MARCHF1: variants seen among roughly 807,000 people sequenced by gnomAD.
MARCHF1 encodes the protein membrane associated ring-CH-type finger 1.
Under a neutral mutation model 54.2 loss-of-function variants are expected in MARCHF1, and 40 were observed. That is an observed-to-expected ratio of 0.74 (90% CI 0.57 to 0.96). The LOEUF (loss-of-function observed/expected upper bound fraction) is 0.96, where lower values mean the gene tolerates loss of function less well. MARCHF1 is among the 40% of genes least tolerant of loss of function. The pLI, the probability that MARCHF1 is intolerant of heterozygous loss-of-function variation, is 0.00. For missense variants in MARCHF1, 586 were observed against 656.5 expected, an observed-to-expected ratio of 0.89 and a Z score of 1.17; for synonymous variants, 236 against 236.3, an observed-to-expected ratio of 1.00 and a Z score of 0.01.
intron 1 of MARCHF1, among the ~76,000 whole-genome samples, chr4:164,142,243 G>T (rs1033534747): frequency 6.6e-6 from 1 of 152,208 alleles, no homozygotes; most frequent in Non-Finnish European, 1.5e-5. Context: ...CCAGGCTTGG[G>T]GAGGGGCACC....
intron 4 of MARCHF1, among the ~76,000 whole-genome samples, chr4:163,780,787 C>T (rs1186195455): frequency 6.6e-6 from 1 of 152,154 alleles, no homozygotes; most frequent in Admixed American, 6.5e-5. Context: ...GTGGGAAAAT[C>T]ATTCTATGTG....
chr4:163,587,998 C>T (rs1297864200), intron 7 of MARCHF1, among the ~76,000 whole-genome samples: 1 of 152,200 alleles, frequency 6.6e-6, no homozygotes, highest in Non-Finnish European at 1.5e-5. Context: ...CAGAAAGATA[C>T]AGGAACTGAA....
At chr4:163,846,045 G>T (rs1426800248) in intron 4 of MARCHF1, among the ~76,000 whole-genome samples, 1 of 152,094 alleles carries the variant, frequency 6.6e-6, no homozygotes, top group Non-Finnish European at 1.5e-5. Flanking sequence ...ATTTGTTTGT[G>T]ATGGTTATTC....
intron 1 of MARCHF1, among the ~76,000 whole-genome samples, chr4:164,130,600 TAAC>T (rs1395113403): frequency 1.3e-5 from 2 of 152,164 alleles, no homozygotes; most frequent in Non-Finnish European, 2.9e-5. Context: ...GCTTTGTCCT[TAAC>T]AAAGAGTTTT....
chr4:164,076,341 A>T (rs551584764), intron 2 of MARCHF1, among the ~76,000 whole-genome samples: 1 of 152,072 alleles, frequency 6.6e-6, no homozygotes, highest in Non-Finnish European at 1.5e-5. Flanking sequence ...AATTCAACAA[A>T]CCTTCATGCT....
chr4:164,126,684 C>T (rs778309747), intron 1 of MARCHF1, among the ~76,000 whole-genome samples: 24 of 152,108 alleles, frequency 1.6e-4, no homozygotes, highest in Non-Finnish European at 2.6e-4. Flanking sequence ...AGGCTTCGGT[C>T]TTCTGGAAAA....
intron 3 of MARCHF1, among the ~76,000 whole-genome samples, chr4:163,873,488 G>T (rs895227671): frequency 6.6e-6 from 1 of 152,176 alleles, no homozygotes; most frequent in African/African-American, 2.4e-5. Flanking sequence ...TTTTGACAGA[G>T]CTGGACTCTG....
intron 1 of MARCHF1, among the ~76,000 whole-genome samples, chr4:164,140,726 AC>A (rs1424023639): frequency 6.6e-6 from 1 of 150,766 alleles, no homozygotes; most frequent in Non-Finnish European, 1.5e-5. Context: ...CCTTGATGGA[AC>A]CCCCAGTGTT....
intron 3 of MARCHF1, among the ~76,000 whole-genome samples, chr4:163,923,544 A>C (rs1246871369): frequency 1.3e-5 from 2 of 152,136 alleles, no homozygotes; most frequent in African/African-American, 2.4e-5. Flanking sequence ...TATGATACTT[A>C]GGATAAGCAA....
intron 2 of MARCHF1, among the ~76,000 whole-genome samples, chr4:164,098,703 G>A (rs1005247602): frequency 6.6e-6 from 1 of 152,214 alleles, no homozygotes; most frequent in African/African-American, 2.4e-5. Flanking sequence ...TCACAGAAGA[G>A]AGATGTGCTC....
At chr4:163,672,411 C>T (rs1312108178) in intron 5 of MARCHF1, among the ~76,000 whole-genome samples, 1 of 152,060 alleles carries the variant, frequency 6.6e-6, no homozygotes, top group African/African-American at 2.4e-5. Context: ...GTTCCTGGCA[C>T]ACAAGAAGCA....
chr4:163,949,021 A>T lies in MARCHF1; in HGVS notation c.-39+39480T>A, dbSNP rs575139949. Among the ~76,000 whole-genome samples the T allele has an allele frequency of 3.3e-5, 5 of 152,348 alleles. No homozygotes were observed. The South Asian group carries it at 1.0e-3, about 32-fold the overall frequency. On this transcript the variant is annotated intron_variant, in intron 3 of 9. Coordinates refer to ENST00000514618, the MANE Select transcript of MARCHF1 (RefSeq NM_001394959.1). ...TTTCCAGTGGGAAATCTCTGTGGCC[A>T]ATGGCACCTTTGCCCGTGTTTTGCT... is the stretch of plus-strand genomic sequence containing the variant.
chr4:163,577,759 T>G (rs1028742026), intron 8 of MARCHF1, among the ~76,000 whole-genome samples: 1 of 152,066 alleles, frequency 6.6e-6, no homozygotes, highest in Non-Finnish European at 1.5e-5. Context: ...TTATATTTCA[T>G]GAACACTTTG....
In MARCHF1 at chr4:164,306,283, T is replaced by C. The variant is rs117920633; in HGVS notation, c.-323+77587A>G. On this transcript the variant is annotated intron_variant, in intron 1 of 9. Transcript: ENST00000514618. ...CAACTTATCAATATCAATAGCATTT[T>C]TCTTGGCTGAAATTCTTTACCTTTT... 4.9e-3 allele frequency among the ~76,000 whole-genome samples: 745 copies of C among 152,246 alleles called. 16 individuals carry two copies. The East Asian group carries it at 0.056, about 11-fold the overall frequency.
intron 4 of MARCHF1, among the ~76,000 whole-genome samples, chr4:163,781,829 C>A (rs1747474216): frequency 6.6e-6 from 1 of 152,148 alleles, no homozygotes; most frequent in South Asian, 2.1e-4. Context: ...TGGAAAAAAT[C>A]ATATGTGAGT....
At chr4:163,917,736 C>A (rs866194480) in intron 3 of MARCHF1, among the ~76,000 whole-genome samples, 3 of 152,074 alleles carry the variant, frequency 2.0e-5, no homozygotes, top group Non-Finnish European at 4.4e-5. Context: ...GGTGTTAAGA[C>A]CCCAGCATCC....
intron 4 of MARCHF1, among the ~76,000 whole-genome samples, chr4:163,846,035 ATTTG>A (rs779833596): frequency 6.6e-6 from 1 of 152,052 alleles, no homozygotes; most frequent in Non-Finnish European, 1.5e-5. Context: ...AATTTCTCTC[ATTTG>A]TTTGTGATGG....
intron 3 of MARCHF1, among the ~76,000 whole-genome samples, chr4:163,883,462 G>A (rs540932715): frequency 6.6e-6 from 1 of 151,724 alleles, no homozygotes; most frequent in African/African-American, 2.4e-5. Context: ...GTTCCAGTAG[G>A]AGACCCATCT....
chr4:163,947,941 C>T (rs1457086541), intron 3 of MARCHF1, among the ~76,000 whole-genome samples: 1 of 152,132 alleles, frequency 6.6e-6, no homozygotes, highest in Non-Finnish European at 1.5e-5. Context: ...ATTTCCATTT[C>T]TTTTGGCTAT....
Sources: gnomAD v4.1 joint callset for allele counts (sites outside exome capture counted in the v4.1 genomes callset) on GRCh38, gnomAD v4.1.1 for gene constraint, MANE v1.5 for transcripts, NCBI Gene and HGNC (gene_info 2026-07-23, HGNC 2026-07-21) for gene names.